The following MED27 variants were observed in gnomAD, a reference collection of about 807,000 sequenced individuals.
MED27 encodes the protein mediator complex subunit 27, also known as mediator of RNA polymerase II transcription subunit 27.
MED27 carries 30 observed loss-of-function variants against 38.2 expected under a neutral mutation model. The observed-to-expected ratio is 0.79, with a 90% CI of 0.59 to 1.07. MED27 has a LOEUF of 1.07. Ranked by LOEUF, MED27 falls within the 50% of genes least tolerant of loss-of-function variation. The pLI is 0.00. For synonymous variants in MED27, 122 were observed against 153.5 expected (o/e 0.79, Z 1.52); for missense variants, 289 against 397.5 (o/e 0.73, Z 2.32).
chr9:131,905,701 C>CAAAAA (rs58848280), intron 4 of MED27, among the ~76,000 whole-genome samples: 1 of 60,924 alleles, frequency 1.6e-5, no homozygotes, highest in Admixed American at 2.3e-4. Flanking sequence ...AAGACCTTGT[C>CAAAAA]AAAAAAAAAA....
intron 2 of MED27, among the ~76,000 whole-genome samples, chr9:132,048,145 T>G (rs143550539): frequency 4.6e-5 from 7 of 152,344 alleles, no homozygotes; most frequent in Admixed American, 3.9e-4. Flanking sequence ...CATATTACTC[T>G]GAAAACAATA....
intron 5 of MED27, among the ~76,000 whole-genome samples, chr9:131,885,536 C>T (rs1268499205): frequency 5.3e-5 from 8 of 152,108 alleles, no homozygotes; most frequent in African/African-American, 1.4e-4. Flanking sequence ...CCCTACTTGA[C>T]GAATGAGGAA....
intron 2 of MED27, among the ~76,000 whole-genome samples, chr9:132,041,183 C>T (rs1833201913): frequency 6.6e-6 from 1 of 152,208 alleles, no homozygotes; most frequent in Non-Finnish European, 1.5e-5. Context: ...TCCCTCAGCA[C>T]CTAATGTGGG....
intron 3 of MED27, among the ~76,000 whole-genome samples, chr9:132,000,724 G>C (rs1832209901): frequency 6.6e-6 from 1 of 151,648 alleles, no homozygotes. Flanking sequence ...TGACTATGCT[G>C]AGTAGAAAAG....
chr9:131,951,675 C>T (rs1830999856), intron 3 of MED27, among the ~76,000 whole-genome samples: 1 of 152,230 alleles, frequency 6.6e-6, no homozygotes, highest in South Asian at 2.1e-4. Context: ...GTGAACACAG[C>T]ACATAAAGCA....
At chr9:131,977,907 A>G (rs1445332974) in intron 3 of MED27, among the ~76,000 whole-genome samples, 1 of 152,200 alleles carries the variant, frequency 6.6e-6, no homozygotes, top group African/African-American at 2.4e-5. Context: ...TTGTCTTTGT[A>G]GACGTGTTCC....
intron 4 of MED27, among the ~76,000 whole-genome samples, chr9:131,904,347 T>C (rs1830011310): frequency 1.3e-5 from 2 of 151,954 alleles, no homozygotes; most frequent in Non-Finnish European, 2.9e-5. Context: ...TCTGTTATCC[T>C]TGTTTTTAAA....
chr9:131,998,420 A>G (rs1289815294), intron 3 of MED27, among the ~76,000 whole-genome samples: 1 of 152,138 alleles, frequency 6.6e-6, no homozygotes, highest in Non-Finnish European at 1.5e-5. Flanking sequence ...GAAAAGTCTC[A>G]GAACTCACTG....
intron 2 of MED27, among the ~76,000 whole-genome samples, chr9:132,038,459 T>C (rs1833132384): frequency 6.6e-6 from 1 of 151,692 alleles, no homozygotes; most frequent in Admixed American, 6.6e-5. Context: ...CCCAAAGTGC[T>C]GGGATTACAG....
intron 2 of MED27, among the ~76,000 whole-genome samples, chr9:132,025,097 C>G (rs1207427950): frequency 6.6e-6 from 1 of 151,040 alleles, no homozygotes; most frequent in Non-Finnish European, 1.5e-5. Flanking sequence ...GGCTTTTCCC[C>G]TTGGAAGGAA....
chr9:132,073,877 C>A, intron 2 of MED27: 1 of 1,211,412 alleles, frequency 8.3e-7, no homozygotes, highest in Middle Eastern at 2.1e-4. Flanking sequence ...CAGGGAAAGG[C>A]GGACGTCTTA....
intron 2 of MED27, among the ~76,000 whole-genome samples, chr9:132,055,945 A>G (rs755029205): frequency 2.6e-5 from 4 of 152,140 alleles, no homozygotes; most frequent in African/African-American, 4.8e-5. Context: ...GCTTAGGCCC[A>G]TTTTTCAGAT....
At chr9:131,886,401 G>C (rs900569651) in intron 5 of MED27, among the ~76,000 whole-genome samples, 39 of 152,242 alleles carry the variant, frequency 2.6e-4, no homozygotes, top group African/African-American at 9.4e-4. Context: ...CATTCAATAG[G>C]AAAAATGAAC....
chr9:132,027,016 C>T (rs528600575), intron 2 of MED27, among the ~76,000 whole-genome samples: 8 of 152,250 alleles, frequency 5.3e-5, no homozygotes, highest in African/African-American at 1.9e-4. Flanking sequence ...AACTGCCTCT[C>T]CAGGACTTAG....
At chr9:132,025,182 A>AT (rs11306470) in intron 2 of MED27, among the ~76,000 whole-genome samples, 27 of 144,322 alleles carry the variant, frequency 1.9e-4, no homozygotes, top group Non-Finnish European at 3.1e-4. Context: ...ATTAGAGTGA[A>AT]TTTTTTTTTT....
In MED27 at chr9:132,074,485, T is replaced by G. The variant is rs185614193; in HGVS notation, c.348+2957A>C. 4.6e-5 allele frequency among the ~76,000 whole-genome samples: 7 copies of G among 152,350 alleles called. No homozygotes were observed. In the East Asian group the frequency reaches 1.3e-3, roughly 29 times the overall value. Reference sequence around the variant, plus strand: ...AGCCAATAGTGCATAGAGCTGACATTGGCAAGTTACCCCAAACTTCACTTA... The same window carrying G: ...AGCCAATAGTGCATAGAGCTGACATGGGCAAGTTACCCCAAACTTCACTTA... On this transcript the variant is annotated intron_variant, in intron 2 of 7. Transcript: ENST00000292035.
intron 2 of MED27, among the ~76,000 whole-genome samples, chr9:132,072,216 T>C (rs758763467): frequency 1.3e-5 from 2 of 152,226 alleles, no homozygotes; most frequent in Non-Finnish European, 2.9e-5. Context: ...TAGCACTTAC[T>C]ATGTGTGAGT....
intron 3 of MED27, among the ~76,000 whole-genome samples, chr9:131,960,923 C>A (rs1831202080): frequency 6.6e-6 from 1 of 152,086 alleles, no homozygotes; most frequent in African/African-American, 2.4e-5. Flanking sequence ...AAATATTAGG[C>A]AAAACGTAAC....
At chr9:131,877,705 A>G (rs1030507512) in intron 6 of MED27, among the ~76,000 whole-genome samples, 5 of 152,240 alleles carry the variant, frequency 3.3e-5, no homozygotes, top group Non-Finnish European at 5.9e-5. Context: ...GACGGTTCCA[A>G]TCCCTGGGGA....
Sources: gnomAD v4.1 joint callset for allele counts (sites outside exome capture counted in the v4.1 genomes callset) on GRCh38, gnomAD v4.1.1 for gene constraint, MANE v1.5 for transcripts, NCBI Gene and HGNC (gene_info 2026-07-23, HGNC 2026-07-21) for gene names.